The following PPP3CC variants were observed in gnomAD, a reference collection of about 807,000 sequenced individuals.
The protein encoded by PPP3CC is serine/threonine-protein phosphatase 2B catalytic subunit gamma isoform.
In PPP3CC, 35 loss-of-function variants were observed where a neutral mutation model predicts 60.3. That is an observed-to-expected ratio of 0.58 (90% CI 0.44 to 0.77). The LOEUF (loss-of-function observed/expected upper bound fraction) is 0.77, where lower values mean the gene tolerates loss of function less well. PPP3CC is among the 30% of genes least tolerant of loss of function. The pLI is 0.00. For synonymous variants in PPP3CC, 206 were observed against 224.3 expected (o/e 0.92, Z 0.73); for missense variants, 570 against 628.9 (o/e 0.91, Z 1.00).
intron 4 of PPP3CC, among the ~76,000 whole-genome samples, chr8:22,502,409 G>A (rs972422147): frequency 6.6e-6 from 1 of 152,172 alleles, no homozygotes; most frequent in Non-Finnish European, 1.5e-5. Context: ...AAGGTGGCCG[G>A]GTGCAGTGGC....
At chr8:22,472,856 C>T (rs1445549798) in intron 1 of PPP3CC, among the ~76,000 whole-genome samples, 2 of 152,138 alleles carry the variant, frequency 1.3e-5, no homozygotes, top group Non-Finnish European at 2.9e-5. Context: ...TTCAGCTTTG[C>T]ATTCCTATTC....
At chr8:22,522,785 T>C in intron 8 of PPP3CC, 36 bp downstream of exon 8, 2 of 1,373,030 alleles carry the variant, frequency 1.5e-6, no homozygotes, top group South Asian at 1.2e-5. Context: ...TTTGAATTTA[T>C]GAGTAAACGT....
At chr8:22,504,701 T>C (rs1838860309) in intron 4 of PPP3CC, among the ~76,000 whole-genome samples, 1 of 147,152 alleles carries the variant, frequency 6.8e-6, no homozygotes, top group Admixed American at 6.8e-5. Context: ...CCTCCCTCCT[T>C]CCCTCCCTCC....
At position 22,540,900 on chromosome 8, in the gene PPP3CC, C is replaced by A; in HGVS notation, c.*98C>A. ...GAAAAGCAACTCAAAACAACTTCAACGTGGAGGTGCATTTATAATTCAGTC... is the reference window on the plus strand; with the variant it reads ...GAAAAGCAACTCAAAACAACTTCAAAGTGGAGGTGCATTTATAATTCAGTC... On this transcript the variant is annotated 3_prime_UTR_variant, in exon 14 of 14. Coordinates refer to ENST00000240139, the MANE Select transcript of PPP3CC (RefSeq NM_005605.5). 8.8e-7 allele frequency: 1 copy of A among 1,137,936 alleles called. No individual in the cohort carries two copies. The highest frequency in any genetic ancestry group is 1.2e-6 in the Non-Finnish European group (1 of 851,138). The allele number at this position is 1,137,936 out of a possible 1,614,324, so 70.5% of individuals were successfully genotyped here. A position where few individuals can be genotyped will look rare whatever the true frequency, so the allele number is the denominator to read the frequency against.
rs550444778 is a variant in PPP3CC, at chr8:22,448,116, A to G, written c.49+6658A>G. ...TGTTTAATTTAAGCTGAGCTTAGTT[A>G]TAGTAGACAATCAGACAAATCCAGT... On this transcript the variant is annotated intron_variant, in intron 1 of 13. Transcript: ENST00000240139. Among the ~76,000 whole-genome samples, 25 of 152,348 alleles carry G rather than the reference A, an allele frequency of 1.6e-4. No individual in the cohort carries two copies. In the East Asian group the frequency reaches 4.4e-3, roughly 27 times the overall value.
chr8:22,522,135 A>ACATG (rs1402891149), intron 6 of PPP3CC, among the ~76,000 whole-genome samples: 1 of 109,472 alleles, frequency 9.1e-6, no homozygotes, highest in African/African-American at 4.1e-5. Flanking sequence ...TACTACACAC[A>ACATG]CACGCACACA....
intron 3 of PPP3CC, among the ~76,000 whole-genome samples, chr8:22,490,944 C>A (rs975130199): frequency 6.6e-6 from 1 of 152,098 alleles, no homozygotes; most frequent in Non-Finnish European, 1.5e-5. Context: ...AGCAGCATGA[C>A]TTATAATCCT....
Position 22,441,714 on chromosome 8 carries a change from C to T in PPP3CC, c.49+256C>T, listed in dbSNP as rs1233963833. On this transcript the variant is annotated intron_variant, in intron 1 of 13. Coordinates refer to ENST00000240139, the MANE Select transcript of PPP3CC (RefSeq NM_005605.5). ...TCAGGGTGCAGTGGGGACTTCTTCT[C>T]CCACCGCCCCGAAGGGCCCGGATCC... Among the ~76,000 whole-genome samples, 4 of 152,294 alleles carry T rather than the reference C, an allele frequency of 2.6e-5. No homozygotes were observed. In the East Asian group the frequency reaches 7.7e-4, roughly 29 times the overall value.
intron 1 of PPP3CC, among the ~76,000 whole-genome samples, chr8:22,446,553 G>C (rs1836826982): frequency 6.6e-6 from 1 of 152,038 alleles, no homozygotes; most frequent in South Asian, 2.1e-4. Context: ...GCCAGGCGTG[G>C]TGGCTCACGC....
chr8:22,479,822 C>G (rs144752332), intron 3 of PPP3CC, among the ~76,000 whole-genome samples: 197 of 151,432 alleles, frequency 1.3e-3, no homozygotes, highest in African/African-American at 4.5e-3. Flanking sequence ...TTTGGTATGT[C>G]TGAAGAAAAG....
chr8:22,506,622 A>G (rs1036444111), intron 4 of PPP3CC, among the ~76,000 whole-genome samples: 24 of 152,136 alleles, frequency 1.6e-4, no homozygotes, highest in African/African-American at 5.6e-4. Flanking sequence ...GAGGCACATT[A>G]TACCCTTTTG....
chr8:22,507,136 A>C (rs1013297245), intron 4 of PPP3CC, among the ~76,000 whole-genome samples: 97 of 152,146 alleles, frequency 6.4e-4, no homozygotes, highest in African/African-American at 2.1e-3. Flanking sequence ...AATAATAAAA[A>C]ATAAATAAAG....
intron 1 of PPP3CC, among the ~76,000 whole-genome samples, chr8:22,447,033 G>C (rs1371431128): frequency 2.0e-5 from 3 of 151,746 alleles, no homozygotes; most frequent in African/African-American, 7.3e-5. Flanking sequence ...TGGGGGACAG[G>C]GTCTCGCTCT....
At chr8:22,509,637 G>A (rs1171712708) in intron 4 of PPP3CC, among the ~76,000 whole-genome samples, 2 of 152,168 alleles carry the variant, frequency 1.3e-5, no homozygotes, top group South Asian at 2.1e-4. Flanking sequence ...ACCCACTGAT[G>A]TATTTCCTTA....
At chr8:22,510,182 CAAA>C (rs71546815) in intron 4 of PPP3CC, among the ~76,000 whole-genome samples, 3 of 88,266 alleles carry the variant, frequency 3.4e-5, no homozygotes, top group Non-Finnish European at 2.2e-5. Flanking sequence ...GACTCCGTCT[CAAA>C]AAAAAAAAAA....
rs895486569 is a variant in PPP3CC at position 22,494,206 on chromosome 8, G to T, written c.373-3795G>T. 4.2e-4 allele frequency among the ~76,000 whole-genome samples: 64 copies of T among 152,152 alleles called. 1 individual carries two copies. Among genetic ancestry groups the T allele is most frequent in the Admixed American group, 4.1e-3 (63 of 15,278 alleles). On this transcript the variant is annotated intron_variant, in intron 3 of 13. Coordinates refer to ENST00000240139, the MANE Select transcript of PPP3CC (RefSeq NM_005605.5). ...TTGGGAACAAAAAGAGGTTTAATTG[G>T]ACTTAACAGATCCGCATGGCTGGGG...
At chr8:22,445,680 A>G (rs1425233205) in intron 1 of PPP3CC, among the ~76,000 whole-genome samples, 1 of 152,168 alleles carries the variant, frequency 6.6e-6, no homozygotes, top group Non-Finnish European at 1.5e-5. Context: ...TTGGTTCTTT[A>G]TATTTTCAGT....
chr8:22,535,491 C>G (rs1839823601), intron 12 of PPP3CC, among the ~76,000 whole-genome samples: 1 of 151,978 alleles, frequency 6.6e-6, no homozygotes, highest in African/African-American at 2.4e-5. Flanking sequence ...TTCATCTGGC[C>G]TTTTTTCTTT....
chr8:22,446,863 C>T (rs945710889), intron 1 of PPP3CC, among the ~76,000 whole-genome samples: 1 of 132,654 alleles, frequency 7.5e-6, no homozygotes, highest in Admixed American at 7.7e-5. Flanking sequence ...CTATTAGAGA[C>T]AAAATTATTC....
Sources: allele counts gnomAD v4.1 joint callset (sites outside exome capture counted in the v4.1 genomes callset), GRCh38; gene constraint gnomAD v4.1.1; transcripts MANE v1.5; gene names NCBI Gene and HGNC (gene_info 2026-07-23, HGNC 2026-07-21).